GLIS3: variants seen among roughly 807,000 people sequenced by gnomAD.
GLIS3 encodes the protein zinc finger protein GLIS3.
In GLIS3, 53 loss-of-function variants were observed where a neutral mutation model predicts 78.6. The ratio of observed to expected loss-of-function variants is 0.67; its 90% CI spans 0.54 to 0.85. The LOEUF is 0.85. GLIS3 is among the 40% of genes least tolerant of loss of function. The probability of loss-of-function intolerance (pLI) is 0.00; values close to 1 mark genes in which losing one functional copy is unlikely to be tolerated. For missense variants in GLIS3, 1,703 were observed against 1,231.1 expected (o/e 1.38, Z -5.74); for synonymous variants, 684 against 509.9 (o/e 1.34, Z -4.60).
At chr9:3,983,237 TG>T (rs1461353509) in intron 4 of GLIS3, among the ~76,000 whole-genome samples, 1 of 152,248 alleles carries the variant, frequency 6.6e-6, no homozygotes, top group East Asian at 1.9e-4. Flanking sequence ...TCTTCACTGC[TG>T]CCATCCATGT....
chr9:4,369,879 G>A, the GLIS3 span, among the ~76,000 whole-genome samples: 1 of 152,130 alleles, frequency 6.6e-6, no homozygotes, highest in African/African-American at 2.4e-5. Flanking sequence ...GTGGTGAATG[G>A]AGAGATAGCA....
intron 4 of GLIS3, among the ~76,000 whole-genome samples, chr9:4,044,054 T>C (rs999837099): frequency 4.6e-5 from 7 of 152,064 alleles, no homozygotes; most frequent in South Asian, 2.1e-4. Flanking sequence ...ACATCACCAA[T>C]AGGGTCCGGC....
chr9:4,222,756 G>A (rs75493617), intron 2 of GLIS3, among the ~76,000 whole-genome samples: 4,558 of 152,242 alleles, frequency 0.03, 114 homozygotes, highest in Non-Finnish European at 0.034. Flanking sequence ...CTTTAACTGT[G>A]GGCTCGCATT....
At chr9:4,062,726 G>T (rs777944444) in intron 4 of GLIS3, among the ~76,000 whole-genome samples, 10 of 152,152 alleles carry the variant, frequency 6.6e-5, no homozygotes, top group African/African-American at 2.4e-4. Flanking sequence ...AGGAGATTGA[G>T]ACCATCCTGG....
At position 4,299,487 on chromosome 9, in the gene GLIS3, G is replaced by A. The variant is rs886063959; in HGVS notation, c.-165C>T. ...CCCTTCCCCCGGCCGGCCAGCGCGAGTGACAGCGGGCGGCCGGCGCTGGCG... is the reference window on the plus strand; with the variant it reads ...CCCTTCCCCCGGCCGGCCAGCGCGAATGACAGCGGGCGGCCGGCGCTGGCG... On this transcript the variant is annotated 5_prime_UTR_variant, in exon 1 of 11. Transcript: ENST00000381971. 6.5e-6 allele frequency: 1 copy of A among 152,680 alleles called. No homozygotes were observed. Among genetic ancestry groups the A allele is most frequent in the East Asian group, 1.9e-4 (1 of 5,160 alleles). The allele number at this position is 152,680 out of a possible 1,614,324, so 9.5% of individuals were successfully genotyped here.
intron 4 of GLIS3, among the ~76,000 whole-genome samples, chr9:4,005,691 C>T (rs2129965531): frequency 6.6e-6 from 1 of 152,308 alleles, no homozygotes; most frequent in Non-Finnish European, 1.5e-5. Flanking sequence ...TCATGAATAT[C>T]AAACATTGTA....
At chr9:3,924,275 G>T (rs939693495) in intron 6 of GLIS3, among the ~76,000 whole-genome samples, 2 of 152,208 alleles carry the variant, frequency 1.3e-5, no homozygotes, top group African/African-American at 4.8e-5. Flanking sequence ...AGGCACAGTA[G>T]ACTGCTATGG....
chr9:4,328,371 C>G (rs545924578), intron 2 of GLIS3, among the ~76,000 whole-genome samples: 1 of 152,166 alleles, frequency 6.6e-6, no homozygotes, highest in African/African-American at 2.4e-5. Context: ...TAACCAGCAG[C>G]AGATAGAGGT....
intron 2 of GLIS3, among the ~76,000 whole-genome samples, chr9:4,275,506 T>C (rs1826900544): frequency 1.3e-5 from 2 of 151,612 alleles, no homozygotes; most frequent in South Asian, 4.2e-4. Flanking sequence ...ACAACTGTAA[T>C]CCCAGCACTT....
chr9:3,962,541 A>G (rs1817635670), intron 4 of GLIS3, among the ~76,000 whole-genome samples: 1 of 152,236 alleles, frequency 6.6e-6, no homozygotes, highest in Non-Finnish European at 1.5e-5. Context: ...TCTCTTGACA[A>G]AAAGCCAAGT....
At chr9:4,436,012 T>A in the GLIS3 span, among the ~76,000 whole-genome samples, 4 of 152,248 alleles carry the variant, frequency 2.6e-5, no homozygotes, top group South Asian at 8.3e-4. Flanking sequence ...AAATTATCTG[T>A]GGGTTGTAAT....
intron 2 of GLIS3, among the ~76,000 whole-genome samples, chr9:4,280,913 A>G (rs1312206249): frequency 1.3e-5 from 2 of 152,156 alleles, no homozygotes; most frequent in African/African-American, 4.8e-5. Flanking sequence ...TATAATAAAA[A>G]TAAACTCCTA....
chr9:4,257,142 T>C (rs774726501), intron 2 of GLIS3, among the ~76,000 whole-genome samples: 2 of 152,222 alleles, frequency 1.3e-5, no homozygotes, highest in Non-Finnish European at 2.9e-5. Context: ...GATGTGTACA[T>C]ATGGAGTATT....
chr9:4,045,109 A>T (rs1825136444), intron 4 of GLIS3, among the ~76,000 whole-genome samples: 1 of 152,166 alleles, frequency 6.6e-6, no homozygotes, highest in Non-Finnish European at 1.5e-5. Flanking sequence ...TAGCACCTAG[A>T]GTTGCCTTAG....
chr9:3,944,350 A>G (rs1169089562), intron 4 of GLIS3, among the ~76,000 whole-genome samples: 1 of 152,250 alleles, frequency 6.6e-6, no homozygotes, highest in Non-Finnish European at 1.5e-5. Context: ...CATGGGCATT[A>G]TATCATAACT....
chr9:3,950,491 A>G (rs1816605668), intron 4 of GLIS3, among the ~76,000 whole-genome samples: 1 of 152,106 alleles, frequency 6.6e-6, no homozygotes, highest in African/African-American at 2.4e-5. Context: ...CCCTCAGCTC[A>G]GTTTCTCAAG....
chr9:4,456,719 C>G, the GLIS3 span, among the ~76,000 whole-genome samples: 1 of 152,204 alleles, frequency 6.6e-6, no homozygotes, highest in Non-Finnish European at 1.5e-5. Flanking sequence ...TGTAGGGTTA[C>G]TTATTGGCCT....
In GLIS3 at chr9:3,867,363, A is replaced by G. The variant is rs1031317438; in HGVS notation, c.2298-11179T>C. ...AAGTGTACATGTGACTTCCAGGAGC[A>G]TATCAGGGGAGTGTATTTAAGAAGT... is the stretch of plus-strand genomic sequence containing the variant. On this transcript the variant is annotated intron_variant, in intron 8 of 10. Transcript: ENST00000381971. Among the ~76,000 whole-genome samples the G allele has an allele frequency of 2.0e-4, 31 of 152,254 alleles. 1 individual carries two copies. The highest frequency in any genetic ancestry group is 1.5e-5 in the Non-Finnish European group (1 of 68,036).
chr9:4,255,776 A>G (rs1364111959), intron 2 of GLIS3, among the ~76,000 whole-genome samples: 1 of 152,152 alleles, frequency 6.6e-6, no homozygotes, highest in African/African-American at 2.4e-5. Context: ...ATATTACACT[A>G]TAATACTAGA....
Sources: gnomAD v4.1 joint callset for allele counts (sites outside exome capture counted in the v4.1 genomes callset) on GRCh38, gnomAD v4.1.1 for gene constraint, MANE v1.5 for transcripts, NCBI Gene and HGNC (gene_info 2026-07-23, HGNC 2026-07-21) for gene names.